The following ERLEC1 variants were observed in gnomAD, a reference collection of about 807,000 sequenced individuals.
ERLEC1 encodes the protein endoplasmic reticulum lectin 1.
ERLEC1 carries 47 observed loss-of-function variants against 68.0 expected under a neutral mutation model. That is an observed-to-expected ratio of 0.69 (90% CI 0.55 to 0.88). The LOEUF is 0.88. Among genes scored for constraint, ERLEC1 ranks in the 40% least tolerant of loss-of-function variants. The probability of loss-of-function intolerance (pLI) is 0.00; values close to 1 mark genes in which losing one functional copy is unlikely to be tolerated. For missense variants in ERLEC1, 567 were observed against 583.8 expected, an observed-to-expected ratio of 0.97 and a Z score of 0.30; for synonymous variants, 225 against 203.2, an observed-to-expected ratio of 1.11 and a Z score of -0.91.
chr2:53,792,637 G>GT (rs142458694), intron 1 of ERLEC1, among the ~76,000 whole-genome samples: 1,760 of 151,884 alleles, frequency 0.012, 29 homozygotes, highest in African/African-American at 0.038. Flanking sequence ...GCTTTGTTTT[G>GT]TTTTTTTTGT....
chr2:53,814,995 CTT>C (rs777632156), intron 13 of ERLEC1, 60 bp downstream of exon 13: 65,146 of 456,968 alleles, frequency 0.14, 449 homozygotes, highest in South Asian at 0.16. Flanking sequence ...ATTTTTTTTT[CTT>C]TTTTTTTTTT....
chr2:53,803,326 A>T, intron 8 of ERLEC1, among the ~76,000 whole-genome samples: 1 of 151,996 alleles, frequency 6.6e-6, no homozygotes, highest in Non-Finnish European at 1.5e-5. Context: ...ATATTAAAAG[A>T]TTTGGGCTAG....
At chr2:53,791,477 G>A (rs2104274938) in intron 1 of ERLEC1, among the ~76,000 whole-genome samples, 1 of 152,164 alleles carries the variant, frequency 6.6e-6, no homozygotes, top group Admixed American at 6.5e-5. Flanking sequence ...TGATTTTAGT[G>A]GATCCGAATT....
intron 6 of ERLEC1, among the ~76,000 whole-genome samples, 161 bp from the exon 7 acceptor site, chr2:53,801,236 C>T (rs1675985991): frequency 6.6e-6 from 1 of 152,070 alleles, no homozygotes; most frequent in South Asian, 2.1e-4. Flanking sequence ...ACTTACGAAT[C>T]AAAATAATAT....
chr2:53,811,082 A>G (rs1676569226), intron 10 of ERLEC1, among the ~76,000 whole-genome samples: 1 of 152,158 alleles, frequency 6.6e-6, no homozygotes, highest in Non-Finnish European at 1.5e-5. Context: ...TTTTTTATTT[A>G]TAGGGAAGGT....
Position 53,799,228 on chromosome 2 carries a change from A to T in ERLEC1, c.525+147A>T. On this transcript the variant is annotated intron_variant, in intron 6 of 13. Coordinates refer to ENST00000185150, the MANE Select transcript of ERLEC1 (RefSeq NM_015701.5). The stretch of plus-strand genomic sequence containing the variant: ...AAGGACTGGGTCAAAGAATCTTTGC[A>T]GTATATTCCTTTTTTCCGAGAAAAG... The T allele has an allele frequency of 4.6e-6, 3 of 650,424 alleles. No individual in the cohort carries two copies. The South Asian group carries it at 7.5e-5, about 16-fold the overall frequency. 40.3% of individuals were successfully genotyped at this position (650,424 alleles called of 1,614,324 possible). A position where few individuals can be genotyped will look rare whatever the true frequency, so the allele number is the denominator to read the frequency against.
chr2:53,795,927 T>G lies in ERLEC1; in HGVS notation c.268-6T>G, dbSNP rs1400285863. 1 of 1,581,996 alleles carries G rather than the reference T, an allele frequency of 6.3e-7. No homozygotes were observed. Among genetic ancestry groups the G allele is most frequent in the African/African-American group, 1.4e-5 (1 of 73,044 alleles). On this transcript the variant is annotated splice_region_variant and splice_polypyrimidine_tract_variant and intron_variant, in intron 2 of 13. Coordinates refer to ENST00000185150, the MANE Select transcript of ERLEC1 (RefSeq NM_015701.5). The stretch of plus-strand genomic sequence containing the variant: ...CTGTAAGTATTAAACTCCAATTCTT[T>G]CTTAGGAAGAAGAAAAGGATTATAA...
intron 1 of ERLEC1, among the ~76,000 whole-genome samples, chr2:53,787,873 T>C (rs758884867): frequency 5.3e-5 from 8 of 152,258 alleles, no homozygotes; most frequent in Non-Finnish European, 1.0e-4. Flanking sequence ...AGGGAACTTT[T>C]TCCTTTCCTA....
chr2:53,794,695 G>T (rs778498702), intron 2 of ERLEC1, among the ~76,000 whole-genome samples: 1 of 151,096 alleles, frequency 6.6e-6, no homozygotes. Flanking sequence ...TCACTCTATC[G>T]CCAGGCTGGA....
chr2:53,796,112 T>G (rs1675683516), intron 3 of ERLEC1, 99 bp downstream of exon 3: 13 of 598,358 alleles, frequency 2.2e-5, no homozygotes, highest in Non-Finnish European at 3.1e-5. Context: ...TGTGTCAGGT[T>G]TTTTTTTTTA....
intron 8 of ERLEC1, among the ~76,000 whole-genome samples, chr2:53,807,276 C>G (rs1361704327): frequency 2.6e-5 from 4 of 152,158 alleles, no homozygotes; most frequent in Non-Finnish European, 5.9e-5. Context: ...ACATAAATCA[C>G]AAATTATTAT....
Position 53,818,041 on chromosome 2 carries a change from A to T in ERLEC1, c.*72A>T. ...AATTTCTGTCCCACTGTGTCTCATTATAGAGTTCTCAGCCATTGGACCTCT... is the reference window on the plus strand; with the variant it reads ...AATTTCTGTCCCACTGTGTCTCATTTTAGAGTTCTCAGCCATTGGACCTCT... On this transcript the variant is annotated 3_prime_UTR_variant, in exon 14 of 14. Transcript: ENST00000185150. 2.0e-6 allele frequency: 2 copies of T among 1,015,776 alleles called. No homozygotes were observed. Among genetic ancestry groups the T allele is most frequent in the Non-Finnish European group, 3.1e-6 (2 of 641,430 alleles). The allele number at this position is 1,015,776 out of a possible 1,614,324, so 62.9% of individuals were successfully genotyped here.
intron 13 of ERLEC1, among the ~76,000 whole-genome samples, chr2:53,816,228 G>A (rs911896045): frequency 1.3e-5 from 2 of 150,230 alleles, no homozygotes; most frequent in Non-Finnish European, 1.5e-5. Flanking sequence ...CTACAAGCAT[G>A]CACCACCGTG....
Position 53,802,379 on chromosome 2 carries a change from CTTTTTTCT to C in ERLEC1, c.879+539_879+546del, listed in dbSNP as rs1030325480. Among the ~76,000 whole-genome samples, 118 of 152,238 alleles carry C rather than the reference CTTTTTTCT, an allele frequency of 7.8e-4. 1 individual carries two copies. Among genetic ancestry groups the C allele is most frequent in the African/African-American group, 2.8e-3 (116 of 41,542 alleles). ...CAATTGACCAATTAGAAACCTAAGT[CTTTTTTCT>C]TACCTGTATCTCTTCATTTATCTCT... On this transcript the variant is annotated intron_variant, in intron 8 of 13. Coordinates refer to ENST00000185150, the MANE Select transcript of ERLEC1 (RefSeq NM_015701.5).
At chr2:53,787,490 C>T (rs1403799159) in intron 1 of ERLEC1, 118 bp downstream of exon 1, 5 of 1,240,726 alleles carry the variant, frequency 4.0e-6, no homozygotes, top group Non-Finnish European at 5.5e-6. Flanking sequence ...TCTTACCTTC[C>T]CCAAGCCAAA....
At chr2:53,811,514 C>T (rs1676590365) in intron 10 of ERLEC1, among the ~76,000 whole-genome samples, 2 of 149,316 alleles carry the variant, frequency 1.3e-5, no homozygotes, top group Admixed American at 1.3e-4. Context: ...TTCTAGGGAA[C>T]TCTGTTAGGT....
At chr2:53,803,186 G>C (rs768585066) in intron 8 of ERLEC1, among the ~76,000 whole-genome samples, 4 of 152,126 alleles carry the variant, frequency 2.6e-5, no homozygotes, top group Admixed American at 1.3e-4. Flanking sequence ...TGGCTGCAAG[G>C]CTTGTTTCTT....
intron 1 of ERLEC1, among the ~76,000 whole-genome samples, chr2:53,792,098 T>G (rs1675437000): frequency 1.3e-5 from 2 of 151,904 alleles, no homozygotes; most frequent in African/African-American, 2.4e-5. Flanking sequence ...GTATTTTTAG[T>G]AGAGACAGGG....
intron 8 of ERLEC1, among the ~76,000 whole-genome samples, chr2:53,807,961 G>A (rs1219035168): frequency 6.6e-6 from 1 of 151,700 alleles, no homozygotes; most frequent in Non-Finnish European, 1.5e-5. Flanking sequence ...GGAAGCGGAG[G>A]TTGTGGTGAG....
Sources: gnomAD v4.1 joint callset for allele counts (sites outside exome capture counted in the v4.1 genomes callset) on GRCh38, gnomAD v4.1.1 for gene constraint, MANE v1.5 for transcripts, NCBI Gene and HGNC (gene_info 2026-07-23, HGNC 2026-07-21) for gene names.